The following GOLT1A variants were observed in gnomAD, a reference collection of about 807,000 sequenced individuals.
GOLT1A encodes the protein golgi transport 1A, also known as vesicle transport protein GOT1A.
Under a neutral mutation model 16.1 loss-of-function variants are expected in GOLT1A, and 10 were observed. That is an observed-to-expected ratio of 0.62 (90% CI 0.38 to 1.05). GOLT1A has a LOEUF of 1.05. Ranked by LOEUF, GOLT1A falls within the 50% of genes least tolerant of loss-of-function variation. The pLI is 0.01. For missense variants in GOLT1A, 137 were observed against 165.7 expected (o/e 0.83, Z 0.95); for synonymous variants, 60 against 67.9 (o/e 0.88, Z 0.57).
intron 1 of GOLT1A, among the ~76,000 whole-genome samples, chr1:204,207,905 G>T (rs537266718): frequency 6.6e-6 from 1 of 152,120 alleles, no homozygotes; most frequent in Non-Finnish European, 1.5e-5. Context: ...ATGAAAAAAT[G>T]CCCAACATCA....
chr1:204,201,648 A>C lies in GOLT1A; in HGVS notation c.281T>G (p.Phe94Cys), dbSNP rs185454589. 21 of 1,614,114 alleles carry C rather than the reference A, an allele frequency of 1.3e-5. 1 individual carries two copies. In the East Asian group the frequency reaches 4.7e-4, roughly 36 times the overall value. The change falls in exon 3 of 5, where the codon TTC becomes TGC. Residue 94 changes from phenylalanine (F) to cysteine (C), a missense_variant. Phe to Cys is a radical substitution (Grantham distance 205, BLOSUM62 -2). Transcript: ENST00000308302. ...LLGMFLETYG[F>C]FSLFKGFFPV... is the part of the protein sequence containing the mutation. ...TTGCACTCACTTAAAGAGGCTGAAG[A>C]ATCCGTAGGTTTCCAGGAACATGCC...
intron 1 of GOLT1A, among the ~76,000 whole-genome samples, chr1:204,204,650 G>A (rs954191716): frequency 1.3e-5 from 2 of 152,160 alleles, no homozygotes; most frequent in Admixed American, 6.5e-5. Flanking sequence ...CACTGCTTCC[G>A]ATCCTTTCAG....
chr1:204,201,158 C>A lies in GOLT1A; in HGVS notation c.296+475G>T, dbSNP rs1039254410. Among the ~76,000 whole-genome samples the A allele has an allele frequency of 2.0e-5, 3 of 152,248 alleles. No homozygotes were observed. In the East Asian group the frequency reaches 5.8e-4, roughly 29 times the overall value. ...ATGACACAGGGGTCAGGAGCCAGAG[C>A]TCCCTGGGTTAAGGGCGACCTTTTT... On this transcript the variant is annotated intron_variant, in intron 3 of 4. Transcript: ENST00000308302.
At chr1:204,202,531 G>C (rs560797746) in intron 2 of GOLT1A, among the ~76,000 whole-genome samples, 2 of 151,964 alleles carry the variant, frequency 1.3e-5, no homozygotes, top group South Asian at 2.1e-4. Flanking sequence ...CATGGCCCCT[G>C]CCTTCCTCCC....
chr1:204,199,242 C>A lies in GOLT1A; in HGVS notation c.313G>T (p.Ala105Ser). The change falls in exon 4 of 5, where the codon GCC becomes TCC. Residue 105 changes from alanine (A) to serine (S), a missense_variant. Physicochemically the swap from Ala to Ser is moderately conservative, Grantham distance 99. Transcript: ENST00000308302. ...FSLFKGFFPV[A>S]FGFLGNVCNI... The stretch of plus-strand genomic sequence containing the variant: ...CAGACATTGCCCAGGAAGCCGAAGG[C>A]GACAGGGAAAAAGCCCCTAGGAGCA... 1 of 1,603,730 alleles carries A rather than the reference C, an allele frequency of 6.2e-7. No individual in the cohort carries two copies. The highest frequency in any genetic ancestry group is 8.5e-7 in the Non-Finnish European group (1 of 1,176,144).
At chr1:204,210,126 T>C (rs1473303587) in intron 1 of GOLT1A, among the ~76,000 whole-genome samples, 12 of 152,266 alleles carry the variant, frequency 7.9e-5, no homozygotes, top group Non-Finnish European at 1.3e-4. Context: ...AGTCCACTTC[T>C]GCAGGCAATG....
Position 204,198,264 on chromosome 1 carries a change from C to T in GOLT1A, c.*194G>A. The T allele has an allele frequency of 1.7e-6, 1 of 578,988 alleles. No homozygotes were observed. The highest frequency in any genetic ancestry group is 1.9e-5 in the African/African-American group (1 of 52,704). The allele number at this position is 578,988 out of a possible 1,614,324, so 35.9% of individuals were successfully genotyped here. On this transcript the variant is annotated 3_prime_UTR_variant, in exon 5 of 5. Transcript: ENST00000308302. ...CCCAGTCTCCTTGGGGTCTGCATCT[C>T]TGCTTCCTGGCAGCCTCTTGAGTCG...
chr1:204,200,862 C>T (rs193126837), intron 3 of GOLT1A, among the ~76,000 whole-genome samples: 20 of 152,302 alleles, frequency 1.3e-4, no homozygotes, highest in Admixed American at 5.9e-4. Context: ...AATCCCACCC[C>T]TATTCTCTCC....
chr1:204,200,330 T>G (rs1340798428), intron 3 of GOLT1A, among the ~76,000 whole-genome samples: 1,401 of 101,416 alleles, frequency 0.014, 52 homozygotes, highest in African/African-American at 0.055. Flanking sequence ...TGTTTTTGTT[T>G]TTTTTTTTTT....
chr1:204,201,878 T>C (rs1557985192), intron 2 of GOLT1A, 67 bp from the exon 3 acceptor site: 3 of 1,472,076 alleles, frequency 2.0e-6, no homozygotes, highest in Non-Finnish European at 1.9e-6. Context: ...GACTTAGGCC[T>C]GGAGCCAGGC....
At chr1:204,208,505 A>C (rs6593995) in intron 1 of GOLT1A, among the ~76,000 whole-genome samples, 2 of 66,702 alleles carry the variant, frequency 3.0e-5, no homozygotes, top group East Asian at 6.0e-4. Flanking sequence ...TATATATAAA[A>C]AATGAACTAC....
At chr1:204,202,755 T>C in intron 2 of GOLT1A, 141 bp downstream of exon 2, 1 of 668,430 alleles carries the variant, frequency 1.5e-6, no homozygotes, top group Admixed American at 2.4e-5. Flanking sequence ...AGGCATGGTC[T>C]GAATAAACTT....
At chr1:204,212,295 G>A (rs910992849) in intron 1 of GOLT1A, among the ~76,000 whole-genome samples, 3 of 152,132 alleles carry the variant, frequency 2.0e-5, no homozygotes, top group East Asian at 3.9e-4. Context: ...ACCACGCCCC[G>A]CTAATCTCCT....
chr1:204,201,175 G>A (rs1053137701), intron 3 of GOLT1A, among the ~76,000 whole-genome samples: 3 of 152,202 alleles, frequency 2.0e-5, no homozygotes, highest in East Asian at 1.9e-4. Context: ...GGTTAAGGGC[G>A]ACCTTTTTCA....
At chr1:204,213,426 C>T (rs1407060583) in intron 1 of GOLT1A, among the ~76,000 whole-genome samples, 3 of 152,210 alleles carry the variant, frequency 2.0e-5, no homozygotes, top group African/African-American at 7.2e-5. Context: ...CTACCTCTTC[C>T]CCCAAAAGAA....
chr1:204,206,898 C>T (rs1024924824), intron 1 of GOLT1A, among the ~76,000 whole-genome samples: 7 of 152,222 alleles, frequency 4.6e-5, no homozygotes, highest in South Asian at 2.1e-4. Context: ...CCCTCCTCCA[C>T]CTGTTCTACA....
rs140561898 is a variant in GOLT1A at position 204,201,687 on chromosome 1, C to T, written c.242G>A (p.Arg81His). The change falls in exon 3 of 5, where the codon CGC becomes CAC. Residue 81 changes from arginine (R) to histidine (H), a missense_variant. Transcript: ENST00000308302. ...LLGGVVIVLLRWPLLGMFLET... is the reference protein window; with the variant it reads ...LLGGVVIVLLHWPLLGMFLET... ...CAGGAACATGCCGAGGAGGGGCCAGCGTAGGAGCACGATAACCACACCCCC... is the reference window on the plus strand; with the variant it reads ...CAGGAACATGCCGAGGAGGGGCCAGTGTAGGAGCACGATAACCACACCCCC... The T allele has an allele frequency of 1.1e-5, 18 of 1,614,002 alleles. No individual in the cohort carries two copies. Among genetic ancestry groups the T allele is most frequent in the African/African-American group, 4.0e-5 (3 of 74,898 alleles).
rs541840925 is a variant in GOLT1A at position 204,211,271 on chromosome 1, C to T, written c.25+2611G>A. On this transcript the variant is annotated intron_variant, in intron 1 of 4. Coordinates refer to ENST00000308302, the MANE Select transcript of GOLT1A (RefSeq NM_198447.2). Reference sequence around the variant, plus strand: ...GCTGCCCACTGAGATTAGACTGCAGCAGAGCCTTCTCATCCACACCACAGC... The same window carrying T: ...GCTGCCCACTGAGATTAGACTGCAGTAGAGCCTTCTCATCCACACCACAGC... Among the ~76,000 whole-genome samples, 80 of 152,296 alleles carry T rather than the reference C, an allele frequency of 5.3e-4. 1 individual carries two copies. Among genetic ancestry groups the T allele is most frequent in the Admixed American group, 2.3e-3 (35 of 15,306 alleles).
At chr1:204,212,729 T>C (rs895934374) in intron 1 of GOLT1A, among the ~76,000 whole-genome samples, 1 of 151,732 alleles carries the variant, frequency 6.6e-6, no homozygotes, top group Non-Finnish European at 1.5e-5. Context: ...AATGATCTTT[T>C]AAACATAGAA....
Sources: gnomAD v4.1 joint callset for allele counts (sites outside exome capture counted in the v4.1 genomes callset) on GRCh38, gnomAD v4.1.1 for gene constraint, MANE v1.5 for transcripts, NCBI Gene and HGNC (gene_info 2026-07-23, HGNC 2026-07-21) for gene names.